The following TRPM5 variants were observed in gnomAD, a reference collection of about 807,000 sequenced individuals.
TRPM5 encodes the protein transient receptor potential cation channel subfamily M member 5.
A neutral mutation model predicts 124.9 loss-of-function variants in TRPM5; 121 were observed. The ratio of observed to expected loss-of-function variants is 0.97; its 90% CI spans 0.84 to 1.13. The LOEUF is 1.13. TRPM5 is among the 50% of genes most tolerant of loss of function. The pLI is 0.00. For missense variants in TRPM5, 1,643 were observed against 1,589.1 expected (o/e 1.03, Z -0.58); for synonymous variants, 781 against 700.5 (o/e 1.11, Z -1.81).
chr11:2,407,995 G>C (rs761806240), intron 18 of TRPM5, 83 bp from the exon 24 acceptor site: 67 of 1,530,426 alleles, frequency 4.4e-5, no homozygotes, highest in Non-Finnish European at 5.8e-5. Flanking sequence ...ATAGAGCGCT[G>C]AGTCCTGGTG....
chr11:2,436,910 G>A, the TRPM5 span, among the ~76,000 whole-genome samples: 10 of 152,338 alleles, frequency 6.6e-5, no homozygotes, highest in East Asian at 1.7e-3. Context: ...CACCCCGCTC[G>A]CCCACCTGGG....
Position 2,420,950 on chromosome 11 carries a change from G to C in TRPM5, c.465+82C>G, listed in dbSNP as rs888570740. On this transcript the variant is annotated intron_variant, in intron 3 of 23. Coordinates refer to ENST00000155858, the Ensembl canonical transcript of TRPM5. ...CTCCAGCTCGAGTCCTGTCCTCCCAGAGCTCTGCCCGCTGCCCAAACCCTT... is the reference window on the plus strand; with the variant it reads ...CTCCAGCTCGAGTCCTGTCCTCCCACAGCTCTGCCCGCTGCCCAAACCCTT... 10 of 1,409,070 alleles carry C rather than the reference G, an allele frequency of 7.1e-6. No individual in the cohort carries two copies. The African/African-American group carries it at 7.3e-5, about 10-fold the overall frequency. 87.3% of individuals were successfully genotyped at this position (1,409,070 alleles called of 1,614,324 possible).
chr11:2,412,338 A>AGGATCAGGGGTCAGCGTGCCATGG, intron 15 of TRPM5, 85 bp from the exon 21 acceptor site: 1 of 1,018,564 alleles, frequency 9.8e-7, no homozygotes, highest in Non-Finnish European at 1.5e-6. Flanking sequence ...TGGATCTGTA[A>AGGATCAGGGGTCAGCGTGCCATGG]GGATCAGGGT....
chr11:2,416,900 C>T (rs757289937), intron 7 of TRPM5, among the ~76,000 whole-genome samples: 2 of 152,192 alleles, frequency 1.3e-5, no homozygotes, highest in South Asian at 2.1e-4. Context: ...AACCTGACTC[C>T]GCCTTACAAA....
rs949822627 is a variant in TRPM5, at chr11:2,413,911, T to G, written c.1890+150A>C. 8.4e-5 allele frequency: 98 copies of G among 1,165,678 alleles called. 2 individuals carry two copies. The Middle Eastern group carries it at 0.011, about 127-fold the overall frequency. The allele number at this position is 1,165,678 out of a possible 1,614,324, so 72.2% of individuals were successfully genotyped here. On this transcript the variant is annotated intron_variant, in intron 12 of 23. Transcript: ENST00000155858. ...TGGTGGAGGAAGCCAGGTGGGCGCCTTCCAGGAACAGAAGCCCCACCCCGC... is the reference window on the plus strand; with the variant it reads ...TGGTGGAGGAAGCCAGGTGGGCGCCGTCCAGGAACAGAAGCCCCACCCCGC...
At chr11:2,423,365 G>A (rs1357207617), upstream of TRPM5, among the ~76,000 whole-genome samples, 1 of 152,192 alleles carries the variant, frequency 6.6e-6, no homozygotes, top group Non-Finnish European at 1.5e-5. Context: ...ACCTCAGGTT[G>A]GCCACACCTG....
chr11:2,436,600 T>C, the TRPM5 span, among the ~76,000 whole-genome samples: 2 of 152,194 alleles, frequency 1.3e-5, no homozygotes, highest in Middle Eastern at 3.4e-3. Context: ...GACCTTTAGA[T>C]TGTGGGGCTG....
the TRPM5 span, among the ~76,000 whole-genome samples, chr11:2,440,217 G>A: frequency 3.9e-5 from 6 of 152,110 alleles, no homozygotes; most frequent in Non-Finnish European, 8.8e-5. The surrounding 1 kb of genome is among the most constrained non-coding windows in gnomAD (Gnocchi z 5.2). Flanking sequence ...AAAAACTATT[G>A]GCTACCATTG....
chr11:2,411,165 G>A (rs1490717953), intron 18 of TRPM5, among the ~76,000 whole-genome samples, 187 bp downstream of exon 23: 1 of 152,110 alleles, frequency 6.6e-6, no homozygotes, highest in Non-Finnish European at 1.5e-5. Flanking sequence ...TCTACCTCAG[G>A]AACCAGGCCT....
the TRPM5 span, among the ~76,000 whole-genome samples, chr11:2,431,728 T>C: frequency 1.4e-5 from 2 of 145,826 alleles, no homozygotes; most frequent in Non-Finnish European, 3.0e-5. Flanking sequence ...TCAGCTCTCA[T>C]GTCCTTCCTC....
chr11:2,407,119 C>G (rs745708236), exon 20 of TRPM5: 1 of 1,404,202 alleles, frequency 7.1e-7, no homozygotes, highest in Non-Finnish European at 9.5e-7. Flanking sequence ...TCGGCCTCAC[C>G]CAGGTGCTCC....
At chr11:2,410,542 T>C (rs561723810) in intron 18 of TRPM5, 3 of 305,080 alleles carry the variant, frequency 9.8e-6, no homozygotes, top group South Asian at 7.2e-5. Context: ...CCTTTCCAGG[T>C]TGGGGCTCCT....
chr11:2,414,009 G>GGGGGGGCCCCCCCCCCCCCCCCCCC, intron 12 of TRPM5, 52 bp downstream of exon 17: 47 of 1,023,600 alleles, frequency 4.6e-5, no homozygotes, highest in Non-Finnish European at 5.4e-5. Context: ...GGCCCAGCTC[G>GGGGGGGCCCCCCCCCCCCCCCCCCC]CCCGCCCACC....
Position 2,407,056 on chromosome 11 carries a change from G to A in TRPM5, c.3118+63C>T. ...TCTCCAGACCTGCCTCCAGCGCACA[G>A]CCCCGCCCTGGGACCCGCCACCTCG... On this transcript the variant is annotated intron_variant, in intron 20 of 23. Coordinates refer to ENST00000155858, the Ensembl canonical transcript of TRPM5. 1.1e-5 allele frequency: 16 copies of A among 1,470,578 alleles called. No homozygotes were observed. In the South Asian group the frequency reaches 2.1e-4, roughly 19 times the overall value. 91.1% of individuals were successfully genotyped at this position (1,470,578 alleles called of 1,614,324 possible).
intron 3 of TRPM5, 40 bp downstream of exon 8, chr11:2,420,992 A>T: frequency 2.0e-6 from 3 of 1,508,190 alleles, no homozygotes. Flanking sequence ...CCCTGCCTCC[A>T]GGCCCCCAGC....
the TRPM5 span, among the ~76,000 whole-genome samples, chr11:2,438,083 C>A: frequency 6.6e-6 from 1 of 152,070 alleles, no homozygotes; most frequent in African/African-American, 2.4e-5. This position sits in a 1 kb window ranked among gnomAD's most constrained non-coding sequence, Gnocchi z 5.9. Context: ...AACAAAAAAA[C>A]CATATGGTCC....
chr11:2,433,485 A>C, the TRPM5 span, among the ~76,000 whole-genome samples: 2 of 152,228 alleles, frequency 1.3e-5, no homozygotes, highest in African/African-American at 4.8e-5. Flanking sequence ...TGCACTGTCC[A>C]TGAGGGCATG....
chr11:2,442,542 T>C, the TRPM5 span, among the ~76,000 whole-genome samples: 4 of 152,246 alleles, frequency 2.6e-5, no homozygotes, highest in Non-Finnish European at 5.9e-5. The surrounding 1 kb of genome is among the most constrained non-coding windows in gnomAD (Gnocchi z 5.9). Flanking sequence ...CTCTAGACTT[T>C]TGCTAATATA....
the TRPM5 span, among the ~76,000 whole-genome samples, chr11:2,431,255 C>A: frequency 6.6e-6 from 1 of 152,082 alleles, no homozygotes; most frequent in Non-Finnish European, 1.5e-5. Context: ...AGCCCTCAGG[C>A]CTGAGACCCT....
Sources: allele counts gnomAD v4.1 joint callset (sites outside exome capture counted in the v4.1 genomes callset), GRCh38; gene constraint gnomAD v4.1.1; non-coding constraint Gnocchi (gnomAD v3.1); transcripts MANE v1.5; gene names NCBI Gene and HGNC (gene_info 2026-07-23, HGNC 2026-07-21).